MINPP1: variants seen among roughly 807,000 people sequenced by gnomAD.
The protein encoded by MINPP1 is multiple inositol-polyphosphate phosphatase 1, also known as multiple inositol polyphosphate phosphatase 1.
Under a neutral mutation model 46.1 loss-of-function variants are expected in MINPP1, and 28 were observed. The ratio of observed to expected loss-of-function variants is 0.61; its 90% CI spans 0.45 to 0.83. The LOEUF (loss-of-function observed/expected upper bound fraction) is 0.83, where lower values mean the gene tolerates loss of function less well. Ranked by LOEUF, MINPP1 falls within the 40% of genes least tolerant of loss-of-function variation. The pLI is 0.00. For missense variants in MINPP1, 603 were observed against 610.0 expected (o/e 0.99, Z 0.12); for synonymous variants, 268 against 249.1 (o/e 1.08, Z -0.72).
At chr10:87,542,361 A>G (rs1197911656) in intron 4 of MINPP1, among the ~76,000 whole-genome samples, 1 of 150,354 alleles carries the variant, frequency 6.7e-6, no homozygotes, top group Non-Finnish European at 1.5e-5. Context: ...CCCAGGCTGC[A>G]TGATCACAGC....
intron 4 of MINPP1, among the ~76,000 whole-genome samples, chr10:87,529,015 G>C (rs530407973): frequency 6.6e-6 from 1 of 152,236 alleles, no homozygotes; most frequent in East Asian, 1.9e-4. Flanking sequence ...TGTTTTATCA[G>C]AGACTAGGAT....
Position 87,520,057 on chromosome 10 carries a change from A to AGTGTGTGTGTGTGTGTGTGTGTGTGT in MINPP1, c.934-957_934-956insGTGTGTGTGTGTGTGTGTGTGTGTGT, listed in dbSNP as rs141533495. On this transcript the variant is annotated intron_variant, in intron 3 of 4. Transcript: ENST00000371996. The stretch of plus-strand genomic sequence containing the variant: ...TCATTCTTAGAAATATAAAAGGTAT[A>AGTGTGTGTGTGTGTGTGTGTGTGTGT]GTGTGTGTGTGTGTGTGTGTGTTGG... Among the ~76,000 whole-genome samples, 865 of 147,446 alleles carry AGTGTGTGTGTGTGTGTGTGTGTGTGT rather than the reference A, an allele frequency of 5.9e-3. 13 individuals are homozygous for AGTGTGTGTGTGTGTGTGTGTGTGTGT. The highest frequency in any genetic ancestry group is 0.018 in the African/African-American group (722 of 39,334).
chr10:87,532,091 C>A lies in MINPP1; in HGVS notation c.1067+10922C>A, dbSNP rs149919075. ...AATGTCTTTTTCAGATATTCACACA[C>A]CCTTCCCCTCTACCACCCCTGCCCC... is the stretch of plus-strand genomic sequence containing the variant. On this transcript the variant is annotated intron_variant, in intron 4 of 4. Coordinates refer to ENST00000371996, the MANE Select transcript of MINPP1 (RefSeq NM_004897.5). 6.9e-3 allele frequency among the ~76,000 whole-genome samples: 1,055 copies of A among 152,304 alleles called. 4 individuals are homozygous for A. Among genetic ancestry groups the A allele is most frequent in the Non-Finnish European group, 0.011 (751 of 68,020 alleles).
At chr10:87,524,569 T>C (rs1410496471) in intron 4 of MINPP1, among the ~76,000 whole-genome samples, 1 of 152,272 alleles carries the variant, frequency 6.6e-6, no homozygotes, top group Non-Finnish European at 1.5e-5. Flanking sequence ...ACCTAGTTTT[T>C]GGCCTGTTTC....
rs185808325 is a variant in MINPP1 at position 87,509,553 on chromosome 10, A to T, written c.835+1020A>T. On this transcript the variant is annotated intron_variant, in intron 2 of 4. Transcript: ENST00000371996. ...CACAACTTGGTTTTACTAAATTTTA[A>T]CTTTGTGCTTCAGTTACTTGCCTTA... Among the ~76,000 whole-genome samples the T allele has an allele frequency of 1.2e-4, 19 of 152,316 alleles. No homozygotes were observed. In the East Asian group the frequency reaches 2.5e-3, roughly 20 times the overall value.
At chr10:87,527,993 G>C (rs898935840) in intron 4 of MINPP1, among the ~76,000 whole-genome samples, 4 of 152,130 alleles carry the variant, frequency 2.6e-5, no homozygotes, top group African/African-American at 4.8e-5. Flanking sequence ...GTTTGTTTGC[G>C]TAGAGATGTT....
At position 87,522,491 on chromosome 10, in the gene MINPP1, G is replaced by A. The variant is rs537119423; in HGVS notation, c.1067+1322G>A. Among the ~76,000 whole-genome samples, 10 of 152,036 alleles carry A rather than the reference G, an allele frequency of 6.6e-5. No individual in the cohort carries two copies. In the South Asian group the frequency reaches 1.3e-3, roughly 19 times the overall value. On this transcript the variant is annotated intron_variant, in intron 4 of 4. Transcript: ENST00000371996. ...CAAAAAAGTGAATATCACAATGAAG[G>A]GAGTCACACAATTTTTTTGGTTTCC...
chr10:87,516,927 A>G (rs1166513545), intron 3 of MINPP1, among the ~76,000 whole-genome samples: 3 of 152,098 alleles, frequency 2.0e-5, no homozygotes, highest in East Asian at 3.8e-4. Context: ...ATAATGATGG[A>G]ATTACTCAGC....
chr10:87,506,367 GA>G (rs1486299683), intron 1 of MINPP1, among the ~76,000 whole-genome samples: 1 of 151,948 alleles, frequency 6.6e-6, no homozygotes, highest in Non-Finnish European at 1.5e-5. Context: ...TTTTCTCTTA[GA>G]AAATGTTGTA....
intron 4 of MINPP1, among the ~76,000 whole-genome samples, chr10:87,526,234 G>C (rs1851575303): frequency 6.6e-6 from 1 of 152,110 alleles, no homozygotes; most frequent in African/African-American, 2.4e-5. Flanking sequence ...TTTAATGATT[G>C]CCATTCTGAC....
At chr10:87,520,811 A>G (rs1851489917) in intron 3 of MINPP1, among the ~76,000 whole-genome samples, 1 of 152,112 alleles carries the variant, frequency 6.6e-6, no homozygotes, top group South Asian at 2.1e-4. Context: ...TTGCTCTTGC[A>G]CACCAGCATC....
intron 4 of MINPP1, among the ~76,000 whole-genome samples, chr10:87,535,166 G>A (rs1307028109): frequency 6.6e-6 from 1 of 152,228 alleles, no homozygotes; most frequent in Middle Eastern, 3.2e-3. Flanking sequence ...CTTAATCATT[G>A]ACACTGTAGT....
intron 4 of MINPP1, among the ~76,000 whole-genome samples, chr10:87,547,544 G>T (rs1301259843): frequency 6.6e-6 from 1 of 152,066 alleles, no homozygotes; most frequent in African/African-American, 2.4e-5. Context: ...GGTATAAATT[G>T]TTTCCATACA....
At chr10:87,529,231 T>G (rs1851622349) in intron 4 of MINPP1, among the ~76,000 whole-genome samples, 1 of 152,230 alleles carries the variant, frequency 6.6e-6, no homozygotes, top group Non-Finnish European at 1.5e-5. Flanking sequence ...TATTGTTATG[T>G]GTGAATTTGA....
chr10:87,519,642 AC>A (rs1332291601), intron 3 of MINPP1, among the ~76,000 whole-genome samples: 1 of 151,608 alleles, frequency 6.6e-6, no homozygotes, highest in Non-Finnish European at 1.5e-5. Flanking sequence ...GCTCCTCCTC[AC>A]CCCTTTAATG....
chr10:87,512,891 A>G (rs916302965), intron 2 of MINPP1, among the ~76,000 whole-genome samples: 4 of 152,008 alleles, frequency 2.6e-5, no homozygotes, highest in Non-Finnish European at 5.9e-5. Context: ...TATTGGGCTG[A>G]AATTTATACT....
At chr10:87,520,121 G>A (rs1051952955) in intron 3 of MINPP1, among the ~76,000 whole-genome samples, 1 of 146,524 alleles carries the variant, frequency 6.8e-6, no homozygotes, top group African/African-American at 2.6e-5. Flanking sequence ...ATTTTTAATG[G>A]GTTCTTATTC....
chr10:87,535,665 G>C lies in MINPP1; in HGVS notation c.1067+14496G>C, dbSNP rs562894775. ...TTTCCTGGCCTGGCGTGGTGGCTCA[G>C]ACCTGTAATCCCAGCACTTTGGGAG... On this transcript the variant is annotated intron_variant, in intron 4 of 4. Transcript: ENST00000371996. Among the ~76,000 whole-genome samples, 3 of 151,938 alleles carry C rather than the reference G, an allele frequency of 2.0e-5. No individual in the cohort carries two copies. In the South Asian group the frequency reaches 6.3e-4, roughly 32 times the overall value.
intron 3 of MINPP1, among the ~76,000 whole-genome samples, chr10:87,515,206 G>A (rs899215291): frequency 6.6e-6 from 1 of 151,842 alleles, no homozygotes; most frequent in Non-Finnish European, 1.5e-5. Context: ...GGCCAATGTG[G>A]TGAAACCCCG....
Sources: gnomAD v4.1 joint callset for allele counts (sites outside exome capture counted in the v4.1 genomes callset) on GRCh38, gnomAD v4.1.1 for gene constraint, MANE v1.5 for transcripts, NCBI Gene and HGNC (gene_info 2026-07-23, HGNC 2026-07-21) for gene names.